CAST: variants seen among roughly 807,000 people sequenced by gnomAD.
CAST encodes the protein calpastatin.
Under a neutral mutation model 119.6 loss-of-function variants are expected in CAST, and 76 were observed. The ratio of observed to expected loss-of-function variants is 0.64; its 90% CI spans 0.53 to 0.77. The LOEUF is 0.77. Among genes scored for constraint, CAST ranks in the 30% least tolerant of loss-of-function variants. The pLI is 0.00. For missense variants in CAST, 953 were observed against 946.5 expected, an observed-to-expected ratio of 1.01 and a Z score of -0.09; for synonymous variants, 319 against 331.6, an observed-to-expected ratio of 0.96 and a Z score of 0.41.
chr5:96,344,780 A>G, the CAST span, among the ~76,000 whole-genome samples: 1 of 152,208 alleles, frequency 6.6e-6, no homozygotes, highest in African/African-American at 2.4e-5. Flanking sequence ...ATGGAAGCAG[A>G]GCCAACACAT....
intron 24 of CAST, among the ~76,000 whole-genome samples, chr5:96,758,364 A>C (rs1766818672): frequency 6.6e-6 from 1 of 152,176 alleles, no homozygotes; most frequent in African/African-American, 2.4e-5. Flanking sequence ...ATATTGGGTA[A>C]TGTTAAGCAG....
At chr5:96,217,652 A>G in the CAST span, among the ~76,000 whole-genome samples, 49 of 152,336 alleles carry the variant, frequency 3.2e-4, no homozygotes, top group African/African-American at 1.1e-3. Flanking sequence ...TGAATGGATG[A>G]TCTATTACTA....
the CAST span, among the ~76,000 whole-genome samples, chr5:96,040,301 A>C: frequency 1.3e-5 from 2 of 152,162 alleles, no homozygotes; most frequent in Non-Finnish European, 2.9e-5. Flanking sequence ...CTAAATATAC[A>C]ATCATGTCAT....
At chr5:96,256,805 T>C in the CAST span, among the ~76,000 whole-genome samples, 1 of 152,128 alleles carries the variant, frequency 6.6e-6, no homozygotes, top group Admixed American at 6.6e-5. Context: ...TATTTTCCTG[T>C]TATTATTTAA....
chr5:96,102,088 CTTG>C, the CAST span, among the ~76,000 whole-genome samples: 1 of 152,128 alleles, frequency 6.6e-6, no homozygotes, highest in Non-Finnish European at 1.5e-5. Flanking sequence ...GATCCCTTCC[CTTG>C]TTGTGTGGGG....
the CAST span, among the ~76,000 whole-genome samples, chr5:96,109,374 T>C: frequency 2.0e-5 from 3 of 152,258 alleles, no homozygotes; most frequent in African/African-American, 7.2e-5. Context: ...TTTACCTTGA[T>C]ATAAATTTTA....
the CAST span, among the ~76,000 whole-genome samples, chr5:96,112,812 A>G: frequency 6.6e-6 from 1 of 152,230 alleles, no homozygotes; most frequent in Non-Finnish European, 1.5e-5. Context: ...TCATGTGACA[A>G]CATAGTACAA....
chr5:96,209,827 A>C, the CAST span, among the ~76,000 whole-genome samples: 1 of 151,904 alleles, frequency 6.6e-6, no homozygotes, highest in South Asian at 2.1e-4. Flanking sequence ...TGTCTTGTAC[A>C]GTATCTCACA....
the CAST span, among the ~76,000 whole-genome samples, chr5:96,136,945 T>C: frequency 6.6e-6 from 1 of 152,214 alleles, no homozygotes; most frequent in African/African-American, 2.4e-5. Flanking sequence ...GTTAGCACTT[T>C]TTGTCCCCAC....
chr5:96,271,600 T>C, the CAST span, among the ~76,000 whole-genome samples: 3 of 127,888 alleles, frequency 2.3e-5, no homozygotes, highest in African/African-American at 8.9e-5. Flanking sequence ...AAAAATCAAA[T>C]AAAAATGGAT....
At chr5:96,771,541 T>C in intron 30 of CAST, 103 bp from the exon 31 acceptor site, 3 of 751,698 alleles carry the variant, frequency 4.0e-6, no homozygotes, top group Non-Finnish European at 6.7e-6. Flanking sequence ...ATCTTATTTT[T>C]CCCCACTGAC....
chr5:96,139,665 G>A, the CAST span, among the ~76,000 whole-genome samples: 1 of 151,184 alleles, frequency 6.6e-6, no homozygotes, highest in East Asian at 1.9e-4. Flanking sequence ...TCAGTTTTGT[G>A]GCATATCTGG....
At chr5:96,513,738 T>G in the CAST span, among the ~76,000 whole-genome samples, 1 of 152,242 alleles carries the variant, frequency 6.6e-6, no homozygotes, top group Non-Finnish European at 1.5e-5. Flanking sequence ...CTGATTTTTT[T>G]GAAAAATCTT....
At chr5:96,510,562 A>G in the CAST span, among the ~76,000 whole-genome samples, 3 of 152,234 alleles carry the variant, frequency 2.0e-5, no homozygotes, top group East Asian at 1.9e-4. Flanking sequence ...CTAGATTAAA[A>G]GACACTTAAG....
chr5:96,655,240 C>G (rs995357897), intron 1 of CAST, among the ~76,000 whole-genome samples: 1 of 152,166 alleles, frequency 6.6e-6, no homozygotes, highest in Middle Eastern at 3.4e-3. Context: ...TTTAGATAAC[C>G]AGATGGGAGA....
the CAST span, among the ~76,000 whole-genome samples, chr5:96,288,840 C>A: frequency 2.0e-5 from 3 of 152,018 alleles, no homozygotes; most frequent in Non-Finnish European, 4.4e-5. Context: ...CAAAGTTTTT[C>A]ATCTACATCT....
chr5:96,543,677 A>T (rs751352746), intron 1 of CAST, among the ~76,000 whole-genome samples: 1 of 152,134 alleles, frequency 6.6e-6, no homozygotes, highest in Non-Finnish European at 1.5e-5. Context: ...ACCCAAAATC[A>T]CCCAGAATTT....
the CAST span, among the ~76,000 whole-genome samples, chr5:96,412,728 A>G: frequency 7.2e-6 from 1 of 138,006 alleles, no homozygotes; most frequent in Admixed American, 7.2e-5. Context: ...ATGCAATACC[A>G]TGCACTGTGT....
At chr5:96,573,928 G>T (rs1221285514) in intron 1 of CAST, among the ~76,000 whole-genome samples, 1 of 151,130 alleles carries the variant, frequency 6.6e-6, no homozygotes, top group Non-Finnish European at 1.5e-5. Flanking sequence ...GATCTTCTAT[G>T]ATTTGTCTTC....
Sources: gnomAD v4.1 joint callset for allele counts (sites outside exome capture counted in the v4.1 genomes callset) on GRCh38, gnomAD v4.1.1 for gene constraint, MANE v1.5 for transcripts, NCBI Gene and HGNC (gene_info 2026-07-23, HGNC 2026-07-21) for gene names.